CACNA1E: variants seen among roughly 807,000 people sequenced by gnomAD.
CACNA1E encodes the protein voltage-dependent R-type calcium channel subunit alpha-1E.
Under a neutral mutation model 259.2 loss-of-function variants are expected in CACNA1E, and 40 were observed. That is an observed-to-expected ratio of 0.15 (90% CI 0.12 to 0.20). The LOEUF is 0.20. Among genes scored for constraint, CACNA1E ranks in the 10% least tolerant of loss-of-function variants. The pLI, the probability that CACNA1E is intolerant of heterozygous loss-of-function variation, is 1.00. For missense variants in CACNA1E, 1,874 were observed against 3,040.1 expected (o/e 0.62, Z 9.02); for synonymous variants, 1,104 against 1,138.5 (o/e 0.97, Z 0.61).
intron 1 of CACNA1E, among the ~76,000 whole-genome samples, chr1:181,396,488 GGGA>G (rs1460724880): frequency 6.6e-6 from 1 of 152,202 alleles, no homozygotes; most frequent in African/African-American, 2.4e-5. Flanking sequence ...AAGAAGGGAT[GGGA>G]GGAGGAGAAC....
chr1:181,467,719 A>T (rs1662238215), intron 2 of CACNA1E, among the ~76,000 whole-genome samples: 1 of 152,160 alleles, frequency 6.6e-6, no homozygotes. Context: ...GTACATAGTG[A>T]GGCAAATGCA....
chr1:181,381,394 A>C (rs1655450861), intron 1 of CACNA1E, among the ~76,000 whole-genome samples: 2 of 152,236 alleles, frequency 1.3e-5, no homozygotes, highest in South Asian at 2.1e-4. Context: ...GAAAGAAGCC[A>C]GGCAAAAATG....
chr1:181,538,895 A>G (rs958621467), intron 3 of CACNA1E, among the ~76,000 whole-genome samples: 2 of 152,244 alleles, frequency 1.3e-5, no homozygotes, highest in African/African-American at 4.8e-5. Flanking sequence ...GATGATAAGC[A>G]TGGTTTCACA....
rs1479330324 is a variant in CACNA1E at position 181,483,689 on chromosome 1, T to A, written c.-56T>A. 1 of 1,370,090 alleles carries A rather than the reference T, an allele frequency of 7.3e-7. No homozygotes were observed. The highest frequency in any genetic ancestry group is 9.9e-7 in the Non-Finnish European group (1 of 1,006,150). The allele number at this position is 1,370,090 out of a possible 1,614,324, so 84.9% of individuals were successfully genotyped here. A position where few individuals can be genotyped will look rare whatever the true frequency, so the allele number is the denominator to read the frequency against. On this transcript the variant is annotated 5_prime_UTR_variant, in exon 1 of 48. Coordinates refer to ENST00000367573, the MANE Select transcript of CACNA1E (RefSeq NM_001205293.3). ...GTGTGTCTTTCTGCTTGTTGCTGTG[T>A]GCGGGTGTTCGGCCGCGATCACCTT...
chr1:181,418,991 A>C lies in CACNA1E; in HGVS notation c.434+5411A>C, dbSNP rs558748053. Among the ~76,000 whole-genome samples, 8 of 152,196 alleles carry C rather than the reference A, an allele frequency of 5.3e-5. No homozygotes were observed. In the South Asian group the frequency reaches 1.7e-3, roughly 32 times the overall value. ...ACTTGGGGGATAGAGAGTTTAAGTC[A>C]CTTGCCCAAGATCATAATGTCAACC... On this transcript the variant is annotated intron_variant, in intron 2 of 11. Transcript: ENST00000524607.
chr1:181,768,081 A>ACAT (rs1484242941), intron 35 of CACNA1E, among the ~76,000 whole-genome samples: 1 of 152,214 alleles, frequency 6.6e-6, no homozygotes, highest in Non-Finnish European at 1.5e-5. Context: ...TATGTTGGAA[A>ACAT]CATTATAATT....
intron 6 of CACNA1E, among the ~76,000 whole-genome samples, chr1:181,592,188 C>G (rs983795754): frequency 6.6e-6 from 1 of 152,210 alleles, no homozygotes; most frequent in Non-Finnish European, 1.5e-5. Flanking sequence ...CCCAGATTCT[C>G]CTGTATCATT....
At chr1:181,391,542 G>T (rs648063) in intron 1 of CACNA1E, among the ~76,000 whole-genome samples, 2,610 of 152,182 alleles carry the variant, frequency 0.017, 85 homozygotes, top group African/African-American at 0.058. Flanking sequence ...GGGCTGTCTG[G>T]GGGGGAAGCT....
Position 181,654,829 on chromosome 1 carries a change from A to C in CACNA1E, c.1055+3388A>C, listed in dbSNP as rs183745302. Among the ~76,000 whole-genome samples the C allele has an allele frequency of 4.3e-3, 641 of 148,808 alleles. 1 individual carries two copies. Among genetic ancestry groups the C allele is most frequent in the Non-Finnish European group, 6.4e-3 (433 of 67,964 alleles). On this transcript the variant is annotated intron_variant, in intron 7 of 47. Transcript: ENST00000367573. ...GAAACCCTGTCTCTACTAAAAATAC[A>C]AAAAATTAGCCGGGCGAGGTGGCGG...
chr1:181,579,734 G>C (rs572447467), intron 5 of CACNA1E, among the ~76,000 whole-genome samples: 1 of 152,320 alleles, frequency 6.6e-6, no homozygotes, highest in East Asian at 1.9e-4. Flanking sequence ...GAATAAATAA[G>C]TACTTTTTGT....
At chr1:181,575,840 G>T (rs938200260) in intron 3 of CACNA1E, among the ~76,000 whole-genome samples, 3 of 152,164 alleles carry the variant, frequency 2.0e-5, no homozygotes, top group African/African-American at 7.2e-5. Context: ...GCCAAACAAT[G>T]ATTCCTTCTT....
At chr1:181,453,347 G>A (rs1356202203) in intron 2 of CACNA1E, among the ~76,000 whole-genome samples, 1 of 152,226 alleles carries the variant, frequency 6.6e-6, no homozygotes, top group African/African-American at 2.4e-5. Flanking sequence ...CTCACAAATT[G>A]TGAAACCTAG....
At chr1:181,652,155 T>C (rs1658815728) in intron 7 of CACNA1E, 1 of 151,960 alleles carries the variant, frequency 6.6e-6, no homozygotes, top group Non-Finnish European at 1.5e-5. Context: ...TATATGGGAG[T>C]GAACATTTCA....
At chr1:181,596,279 T>C (rs192805460) in intron 6 of CACNA1E, among the ~76,000 whole-genome samples, 9 of 152,294 alleles carry the variant, frequency 5.9e-5, no homozygotes, top group East Asian at 3.9e-4. Context: ...TGTGGACATA[T>C]CTTGCTTTTA....
Position 181,579,094 on chromosome 1 carries a change from C to T in CACNA1E, c.639C>T (p.Ser213=), listed in dbSNP as rs375614479. 4.2e-5 allele frequency: 68 copies of T among 1,611,652 alleles called. No individual in the cohort carries two copies. Among genetic ancestry groups the T allele is most frequent in the Non-Finnish European group, 5.7e-5 (67 of 1,178,956 alleles). Residue 213 remains serine (S), a synonymous_variant, in exon 5 of 48, where the codon TCC becomes TCT. Coordinates refer to ENST00000367573, the MANE Select transcript of CACNA1E (RefSeq NM_001205293.3). ...TAGGCCTGCAGATTGTGTTGAAGTC[C>T]ATCATGAAGGCCATGGTACCTCTTC... The part of the protein sequence containing the change: ...GIPSLQIVLK[S]IMKAMVPLLQ...
intron 9 of CACNA1E, 144 bp from the exon 10 acceptor site, chr1:181,715,896 C>A: frequency 1.6e-6 from 1 of 628,950 alleles, no homozygotes; most frequent in Non-Finnish European, 2.9e-6. Context: ...TTTCTGTTAC[C>A]CTGGCTCAGG....
intron 2 of CACNA1E, among the ~76,000 whole-genome samples, chr1:181,414,264 G>A (rs1273125899): frequency 6.6e-6 from 1 of 152,148 alleles, no homozygotes; most frequent in African/African-American, 2.4e-5. Context: ...AGTTTACTCG[G>A]CATGCTGGCA....
At chr1:181,605,801 C>G (rs990717023) in intron 6 of CACNA1E, among the ~76,000 whole-genome samples, 5 of 152,306 alleles carry the variant, frequency 3.3e-5, no homozygotes, top group Non-Finnish European at 5.9e-5. Context: ...AGGAGCTTCT[C>G]AGCATATAGA....
At chr1:181,571,315 T>C (rs762375910) in intron 3 of CACNA1E, among the ~76,000 whole-genome samples, 1 of 152,142 alleles carries the variant, frequency 6.6e-6, no homozygotes, top group Admixed American at 6.5e-5. Flanking sequence ...TTCAACTAGC[T>C]TTTGGTCTTA....
Sources: gnomAD v4.1 joint callset for allele counts (sites outside exome capture counted in the v4.1 genomes callset) on GRCh38, gnomAD v4.1.1 for gene constraint, MANE v1.5 for transcripts, NCBI Gene and HGNC (gene_info 2026-07-23, HGNC 2026-07-21) for gene names.